Variants in RRP9 observed in about 807,000 individuals in gnomAD.
The protein encoded by RRP9 is ribosomal RNA processing 9, U3 small nucleolar RNA binding protein.
Under a neutral mutation model 65.5 loss-of-function variants are expected in RRP9, and 35 were observed. The ratio of observed to expected loss-of-function variants is 0.53; its 90% CI spans 0.41 to 0.71. RRP9 has a LOEUF of 0.71. RRP9 is among the 30% of genes least tolerant of loss of function. RRP9 has a pLI of 0.00. For missense variants in RRP9, 533 were observed against 633.6 expected (o/e 0.84, Z 1.70); for synonymous variants, 254 against 245.0 (o/e 1.04, Z -0.34).
chr3:51,937,047 C>T lies in RRP9; in HGVS notation c.517+145G>A. ...TGCCGGGCAGCAGCTTTCACTGTCA[C>T]CCAGAGAGCACTCCTAGGGCAGCAA... On this transcript the variant is annotated intron_variant, in intron 6 of 14. Transcript: ENST00000232888. This position sits in a 1 kb window ranked among gnomAD's most constrained non-coding sequence, Gnocchi z 5.0. 5.9e-6 allele frequency: 6 copies of T among 1,015,850 alleles called. No individual in the cohort carries two copies. The highest frequency in any genetic ancestry group is 8.7e-6 in the Non-Finnish European group (6 of 688,148). The allele number at this position is 1,015,850 out of a possible 1,614,324, so 62.9% of individuals were successfully genotyped here.
Position 51,941,395 on chromosome 3 carries a change from AAAG to A in RRP9, c.170+11_170+13del, listed in dbSNP as rs771217132. 1.2e-6 allele frequency: 2 copies of A among 1,612,602 alleles called. No homozygotes were observed. The highest frequency in any genetic ancestry group is 1.1e-5 in the South Asian group (1 of 91,044). ...TCAGTTTTCCCTCCCACTATGTGGAAAAGAATAGCTCACCTCTCGCTCTCAGAG... is the reference window on the plus strand; with the variant it reads ...TCAGTTTTCCCTCCCACTATGTGGAAAATAGCTCACCTCTCGCTCTCAGAG... On this transcript the variant is annotated intron_variant, in intron 2 of 14. Transcript: ENST00000232888.
In RRP9 at chr3:51,934,556, G is replaced by T. The variant is rs369828367; in HGVS notation, c.1181-5C>A. 4.1e-5 allele frequency: 66 copies of T among 1,613,872 alleles called. No individual in the cohort carries two copies. Among genetic ancestry groups the T allele is most frequent in the Non-Finnish European group, 5.5e-5 (65 of 1,179,920 alleles). ...GCACACAGGAGCTGTGGGAGCCTGG[G>T]GAGACTGGAACAGTGAGCAACCCCT... On this transcript the variant is annotated splice_polypyrimidine_tract_variant and splice_region_variant and intron_variant, in intron 12 of 14. Coordinates refer to ENST00000232888, the MANE Select transcript of RRP9 (RefSeq NM_004704.5). The surrounding 1 kb of genome is among the most constrained non-coding windows in gnomAD (Gnocchi z 4.1).
intron 13 of RRP9, among the ~76,000 whole-genome samples, 182 bp from the exon 14 acceptor site, chr3:51,933,963 G>C (rs1456093931): frequency 6.6e-6 from 1 of 152,228 alleles, no homozygotes; most frequent in African/African-American, 2.4e-5. Context: ...CTGCGAGATG[G>C]GGGTAAGCAG....
chr3:51,941,589 G>A (rs1699533697), intron 1 of RRP9, 98 bp from the exon 2 acceptor site: 2 of 1,260,422 alleles, frequency 1.6e-6, no homozygotes, highest in Admixed American at 1.8e-5. Flanking sequence ...CCCCAGGAAT[G>A]GGGAAGGCGG....
chr3:51,939,847 C>T (rs1252718632), intron 2 of RRP9, among the ~76,000 whole-genome samples: 1 of 152,222 alleles, frequency 6.6e-6, no homozygotes, highest in South Asian at 2.1e-4. Flanking sequence ...AAATATATCT[C>T]ATTCACTTTT....
At position 51,935,419 on chromosome 3, in the gene RRP9, C is replaced by A; in HGVS notation, c.894G>T (p.Val298=). ...ALDALSRECC[V]TAGGRDGTVR... ...CAGTCCCATCCCGGCCCCCAGCCGT[C>A]ACACAGCACTCCCGGCTCAAGGCAT... The change falls in exon 10 of 15, where the codon GTG becomes GTT. Residue 298 remains valine, a synonymous_variant. Coordinates refer to ENST00000232888, the MANE Select transcript of RRP9 (RefSeq NM_004704.5). The A allele has an allele frequency of 6.2e-7, 1 of 1,614,226 alleles. No homozygotes were observed.
In RRP9 at chr3:51,938,256, G is replaced by A. The variant is rs147468162; in HGVS notation, c.171-52C>T. The A allele has an allele frequency of 2.9e-4, 398 of 1,379,522 alleles. 1 individual carries two copies. In the African/African-American group the frequency reaches 4.3e-3, roughly 15 times the overall value. 85.5% of individuals were successfully genotyped at this position (1,379,522 alleles called of 1,614,324 possible). Reference sequence around the variant, plus strand: ...AGGGGCTCACCTTGTTCCTCTGACCGCTAGGATCGTGCCTTCTGGATGCTC... The same window carrying A: ...AGGGGCTCACCTTGTTCCTCTGACCACTAGGATCGTGCCTTCTGGATGCTC... On this transcript the variant is annotated intron_variant, in intron 2 of 14. Coordinates refer to ENST00000232888, the MANE Select transcript of RRP9 (RefSeq NM_004704.5).
intron 10 of RRP9, 22 bp downstream of exon 10, chr3:51,935,320 C>A: frequency 1.2e-6 from 2 of 1,614,150 alleles, no homozygotes; most frequent in South Asian, 1.1e-5. Flanking sequence ...GTAGCCCCCA[C>A]TGGCATGGCA....
Position 51,941,504 on chromosome 3 carries a change from C to T in RRP9, c.88-13G>A. 1 of 1,612,948 alleles carries T rather than the reference C, an allele frequency of 6.2e-7. No individual in the cohort carries two copies. Among genetic ancestry groups the T allele is most frequent in the Non-Finnish European group, 8.5e-7 (1 of 1,179,222 alleles). The stretch of plus-strand genomic sequence containing the variant: ...CCGCAGAGTCGGCCTGGGAATTATA[C>T]GGTCTTTTCTTTGGTCAGGGGTCCA... On this transcript the variant is annotated splice_polypyrimidine_tract_variant and intron_variant, in intron 1 of 14. Transcript: ENST00000232888.
chr3:51,937,715 C>T lies in RRP9; in HGVS notation c.302G>A (p.Arg101His), dbSNP rs778581448. The T allele has an allele frequency of 8.7e-6, 14 of 1,614,158 alleles. No homozygotes were observed. Among genetic ancestry groups the T allele is most frequent in the East Asian group, 6.7e-5 (3 of 44,882 alleles). Reference protein sequence around the residue: ...RQQEEEKAEARAFEEDQVAGR... With the variant: ...RQQEEEKAEAHAFEEDQVAGR... The stretch of plus-strand genomic sequence containing the variant: ...CGCCACCTGGTCCTCCTCAAATGCA[C>T]GGGCCTCAGCCTTCTCCTCCTCTGT... The change falls in exon 4 of 15, where the codon CGT becomes CAT. Residue 101 changes from arginine to histidine, a missense_variant. By Grantham distance (29) the Arg-to-His change is conservative. This residue lies in a region of RRP9 where 449 missense variants were observed against 550.6 expected (regional missense o/e 0.82). Transcript: ENST00000232888. This position sits in a 1 kb window ranked among gnomAD's most constrained non-coding sequence, Gnocchi z 5.0.
Position 51,937,162 on chromosome 3 carries a change from G to A in RRP9, c.517+30C>T, listed in dbSNP as rs116265482. The A allele has an allele frequency of 4.1e-4, 668 of 1,610,604 alleles. 4 individuals are homozygous for A. In the African/African-American group the frequency reaches 7.3e-3, roughly 18 times the overall value. On this transcript the variant is annotated intron_variant, in intron 6 of 14. Transcript: ENST00000232888. The surrounding 1 kb of genome is among the most constrained non-coding windows in gnomAD (Gnocchi z 5.0). ...CCAGCCCTCCCGGATCCGCCATGGG[G>A]GCTCCAGCCCCACCCAGGCACTCAC...
intron 2 of RRP9, among the ~76,000 whole-genome samples, chr3:51,938,915 A>C (rs1240034439): frequency 1.3e-5 from 2 of 152,218 alleles, no homozygotes; most frequent in Non-Finnish European, 2.9e-5. Flanking sequence ...ACAAGGTTCC[A>C]AGCGAACCTT....
intron 14 of RRP9, 29 bp from the exon 15 acceptor site, chr3:51,933,628 C>T (rs372641011): frequency 3.1e-6 from 5 of 1,612,570 alleles, no homozygotes; most frequent in Non-Finnish European, 4.2e-6. Flanking sequence ...GCAGCTGAGA[C>T]TCGGCCCAGT....
chr3:51,937,860 G>T lies in RRP9; in HGVS notation c.281-124C>A. The T allele has an allele frequency of 8.1e-7, 1 of 1,227,594 alleles. No individual in the cohort carries two copies. The highest frequency in any genetic ancestry group is 1.2e-6 in the Non-Finnish European group (1 of 865,164). 76.0% of individuals were successfully genotyped at this position (1,227,594 alleles called of 1,614,324 possible). ...AAGCTCCAGCTGCCTCAGCAGAGGG[G>T]AGGGCAAGCTGGAGGGTTTCCTCCT... On this transcript the variant is annotated intron_variant, in intron 3 of 14. Transcript: ENST00000232888. This position sits in a 1 kb window ranked among gnomAD's most constrained non-coding sequence, Gnocchi z 5.0.
At position 51,934,831 on chromosome 3, in the gene RRP9, C is replaced by CTT; in HGVS notation, c.1035-56_1035-55insAA. 6.4e-7 allele frequency: 1 copy of CTT among 1,562,638 alleles called. No individual in the cohort carries two copies. The highest frequency in any genetic ancestry group is 8.7e-7 in the Non-Finnish European group (1 of 1,146,844). On this transcript the variant is annotated intron_variant, in intron 11 of 14. Transcript: ENST00000232888. This position sits in a 1 kb window ranked among gnomAD's most constrained non-coding sequence, Gnocchi z 4.1. ...GGGGGCCAGAGGCAGAAAAGGCCCC[C>CTT]TGTGTAACACAAAGGATTAATGCTT...
intron 8 of RRP9, 140 bp downstream of exon 8, chr3:51,936,117 A>G: frequency 2.6e-6 from 2 of 757,658 alleles, no homozygotes; most frequent in Non-Finnish European, 2.2e-6. Flanking sequence ...CCATTTATGT[A>G]TTTTACAGCA....
Position 51,933,463 on chromosome 3 carries a change from G to A in RRP9, c.*43C>T. On this transcript the variant is annotated 3_prime_UTR_variant, in exon 15 of 15. Transcript: ENST00000232888. Reference sequence around the variant, plus strand: ...AGGAGGCTTTTAATACAAAGAGGGTGGGGCATAGCCTGGGAAGGACTTAAA... The same window carrying A: ...AGGAGGCTTTTAATACAAAGAGGGTAGGGCATAGCCTGGGAAGGACTTAAA... 6.0e-6 allele frequency: 9 copies of A among 1,504,588 alleles called. No individual in the cohort carries two copies. The highest frequency in any genetic ancestry group is 7.4e-6 in the Non-Finnish European group (8 of 1,083,654). The allele number at this position is 1,504,588 out of a possible 1,614,324, so 93.2% of individuals were successfully genotyped here.
At position 51,937,883 on chromosome 3, in the gene RRP9, C is replaced by T. The variant is rs116065853; in HGVS notation, c.281-147G>A. On this transcript the variant is annotated intron_variant, in intron 3 of 14. Transcript: ENST00000232888. The surrounding 1 kb of genome is among the most constrained non-coding windows in gnomAD (Gnocchi z 5.0). ...GGGAGGGCAAGCTGGAGGGTTTCCT[C>T]CTGCCTTTACTTATCAGATCAGCCC... is the stretch of plus-strand genomic sequence containing the variant. 5.1e-4 allele frequency: 547 copies of T among 1,082,350 alleles called. 2 individuals carry two copies. The African/African-American group carries it at 7.8e-3, about 15-fold the overall frequency. The allele number at this position is 1,082,350 out of a possible 1,614,324, so 67.0% of individuals were successfully genotyped here.
Position 51,941,538 on chromosome 3 carries a change from T to C in RRP9, c.88-47A>G, listed in dbSNP as rs1317670213. 9.1e-6 allele frequency: 14 copies of C among 1,535,574 alleles called. No individual in the cohort carries two copies. The East Asian group carries it at 2.0e-4, about 22-fold the overall frequency. ...CTTTGGTCAGGGGTCCAGACCACCCTGGCATTGACCAAGGGCCCCCCCCCC... is the reference window on the plus strand; with the variant it reads ...CTTTGGTCAGGGGTCCAGACCACCCCGGCATTGACCAAGGGCCCCCCCCCC... On this transcript the variant is annotated intron_variant, in intron 1 of 14. Coordinates refer to ENST00000232888, the MANE Select transcript of RRP9 (RefSeq NM_004704.5).
Sources: allele counts gnomAD v4.1 joint callset (sites outside exome capture counted in the v4.1 genomes callset), GRCh38; gene constraint gnomAD v4.1.1; regional missense constraint gnomAD v4.1.1; non-coding constraint Gnocchi (gnomAD v3.1); transcripts MANE v1.5; gene names NCBI Gene and HGNC (gene_info 2026-07-23, HGNC 2026-07-21).